The following ADCY9 variants were observed in gnomAD, a reference collection of about 807,000 sequenced individuals.
ADCY9 encodes adenylate cyclase 9.
ADCY9 carries 50 observed loss-of-function variants against 101.5 expected under a neutral mutation model. That is an observed-to-expected ratio of 0.49 (90% confidence interval 0.39 to 0.62). ADCY9 has a LOEUF of 0.62. ADCY9 is among the 20% of genes least tolerant of loss of function. The pLI, the probability that ADCY9 is intolerant of heterozygous loss-of-function variation, is 0.00. For missense variants in ADCY9, 1,662 were observed against 1,800.4 expected (o/e 0.92, Z 1.39); for synonymous variants, 905 against 769.3 (o/e 1.18, Z -2.92).
At chr16:4,019,849 G>A (rs2056462806) in intron 2 of ADCY9, among the ~76,000 whole-genome samples, 1 of 152,188 alleles carries the variant, frequency 6.6e-6, no homozygotes, top group African/African-American at 2.4e-5. Context: ...AGGCCAAGGT[G>A]GAAGGATCAC....
intron 2 of ADCY9, among the ~76,000 whole-genome samples, chr16:4,079,640 T>C (rs935697213): frequency 1.3e-5 from 2 of 152,182 alleles, no homozygotes; most frequent in African/African-American, 4.8e-5. Context: ...TCATGATCCA[T>C]GAATGGTGTT....
intron 2 of ADCY9, among the ~76,000 whole-genome samples, chr16:4,076,999 C>T (rs946328812): frequency 7.9e-5 from 12 of 151,944 alleles, no homozygotes; most frequent in Non-Finnish European, 1.5e-4. Context: ...ATCGCTTGAA[C>T]CTCAGAGGTG....
intron 3 of ADCY9, among the ~76,000 whole-genome samples, chr16:4,004,164 C>T (rs1234253059): frequency 6.7e-6 from 1 of 148,940 alleles, no homozygotes; most frequent in African/African-American, 2.5e-5. Context: ...GGGAGGATCA[C>T]TTGAGCCTGA....
intron 2 of ADCY9, among the ~76,000 whole-genome samples, chr16:4,054,450 A>T (rs74696692): frequency 0.013 from 2,049 of 152,200 alleles, 22 homozygotes; most frequent in Admixed American, 0.022. Flanking sequence ...TTTCACTCAA[A>T]CCATCTTCCT....
chr16:4,073,042 C>T (rs896068480), intron 2 of ADCY9, among the ~76,000 whole-genome samples: 4 of 149,784 alleles, frequency 2.7e-5, no homozygotes, highest in African/African-American at 4.9e-5. Flanking sequence ...AAGAAAAAAC[C>T]GACTCTTAAA....
At chr16:3,961,715 G>A (rs542075034), downstream of ADCY9, among the ~76,000 whole-genome samples, 1 of 152,110 alleles carries the variant, frequency 6.6e-6, no homozygotes, top group Non-Finnish European at 1.5e-5. Flanking sequence ...TTTGTGCCCT[G>A]AAGTTGGTCA....
chr16:4,114,841 C>G lies in ADCY9; in HGVS notation c.602G>C (p.Arg201Pro). Reference sequence around the variant, plus strand: ...GGCCGTAAGGTTGGAGCTGTCGCCGCGTCCTGAGACAGGCGTCAAGACCTG... The same window carrying G: ...GGCCGTAAGGTTGGAGCTGTCGCCGGGTCCTGAGACAGGCGTCAAGACCTG... ...QFQVLTPVSG[R>P]GDSSNLTATA... The change falls in exon 2 of 11, where the codon CGC becomes CCC. Residue 201 changes from arginine (R) to proline (P), a missense_variant. By Grantham distance (103) the Arg-to-Pro change is moderately radical. This residue lies in a region of ADCY9 where 422 missense variants were observed against 392.0 expected (regional missense o/e 1.08). Coordinates refer to ENST00000294016, the MANE Select transcript of ADCY9 (RefSeq NM_001116.4). This position sits in a 1 kb window ranked among gnomAD's most constrained non-coding sequence, Gnocchi z 4.3. 2 of 1,613,546 alleles carry G rather than the reference C, an allele frequency of 1.2e-6. No homozygotes were observed. Among genetic ancestry groups the G allele is most frequent in the South Asian group, 2.2e-5 (2 of 91,088 alleles).
At chr16:4,080,563 G>A (rs917653448) in intron 2 of ADCY9, among the ~76,000 whole-genome samples, 1 of 151,928 alleles carries the variant, frequency 6.6e-6, no homozygotes, top group Non-Finnish European at 1.5e-5. Flanking sequence ...CCAGCCCAAC[G>A]GAAGAAATTT....
At position 3,996,821 on chromosome 16, in the gene ADCY9, T is replaced by C. The variant is rs746124666; in HGVS notation, c.1885-3311A>G. ...TCCTGGCGTCAGTCTGTTTCAGGTATTTTTCTTGCCTCAAGTTCATCTGCT... is the reference window on the plus strand; with the variant it reads ...TCCTGGCGTCAGTCTGTTTCAGGTACTTTTCTTGCCTCAAGTTCATCTGCT... On this transcript the variant is annotated intron_variant, in intron 3 of 10. Transcript: ENST00000294016. Among the ~76,000 whole-genome samples, 62 of 152,338 alleles carry C rather than the reference T, an allele frequency of 4.1e-4. 1 individual carries two copies. Among genetic ancestry groups the C allele is most frequent in the Non-Finnish European group, 6.6e-4 (45 of 68,032 alleles).
chr16:3,968,116 A>G lies in ADCY9; in HGVS notation c.2871-1150T>C, dbSNP rs186954873. Reference sequence around the variant, plus strand: ...AACTACAATATCATCATCATACCCAAGAAATTTAACATTCTCTGATATATT... The same window carrying G: ...AACTACAATATCATCATCATACCCAGGAAATTTAACATTCTCTGATATATT... On this transcript the variant is annotated intron_variant, in intron 10 of 10. Coordinates refer to ENST00000294016, the MANE Select transcript of ADCY9 (RefSeq NM_001116.4). Among the ~76,000 whole-genome samples the G allele has an allele frequency of 1.1e-4, 17 of 152,244 alleles. No individual in the cohort carries two copies. The East Asian group carries it at 1.9e-3, about 17-fold the overall frequency.
At chr16:4,048,608 A>T (rs1041301236) in intron 2 of ADCY9, among the ~76,000 whole-genome samples, 1 of 152,232 alleles carries the variant, frequency 6.6e-6, no homozygotes. Context: ...AATCACACAG[A>T]TAGGCCCCTC....
intron 2 of ADCY9, among the ~76,000 whole-genome samples, chr16:4,067,602 G>A (rs2056808200): frequency 6.6e-6 from 1 of 152,142 alleles, no homozygotes; most frequent in Non-Finnish European, 1.5e-5. Context: ...TACTGGGGTA[G>A]CTCTACCCAC....
chr16:4,057,196 C>T (rs1304874618), intron 2 of ADCY9, among the ~76,000 whole-genome samples: 2 of 152,082 alleles, frequency 1.3e-5, no homozygotes, highest in Admixed American at 6.6e-5. Context: ...GCTGGAGTGC[C>T]GTGGTGCAAT....
intron 2 of ADCY9, among the ~76,000 whole-genome samples, chr16:4,102,330 G>A (rs562607533): frequency 6.6e-6 from 1 of 152,068 alleles, no homozygotes; most frequent in Non-Finnish European, 1.5e-5. Context: ...AATTAAGCCC[G>A]AATGTATCAG....
rs370901921 is a variant in ADCY9, at chr16:4,006,402, C to T, written c.1884+966G>A. Reference sequence around the variant, plus strand: ...AGTGCAATCATTACGTGTAACTGGGCGACAGGCACTATGTATTCTGACCCA... The same window carrying T: ...AGTGCAATCATTACGTGTAACTGGGTGACAGGCACTATGTATTCTGACCCA... On this transcript the variant is annotated intron_variant, in intron 3 of 10. Coordinates refer to ENST00000294016, the MANE Select transcript of ADCY9 (RefSeq NM_001116.4). 3.3e-5 allele frequency among the ~76,000 whole-genome samples: 5 copies of T among 152,280 alleles called. 1 individual carries two copies. The highest frequency in any genetic ancestry group is 9.6e-5 in the African/African-American group (4 of 41,546).
chr16:4,098,743 G>A lies in ADCY9; in HGVS notation c.1693+15007C>T, dbSNP rs191859199. 7.2e-4 allele frequency among the ~76,000 whole-genome samples: 109 copies of A among 152,128 alleles called. 1 individual carries two copies. The highest frequency in any genetic ancestry group is 1.5e-3 in the Non-Finnish European group (99 of 67,992). On this transcript the variant is annotated intron_variant, in intron 2 of 10. Transcript: ENST00000294016. ...ATGCAAGATGGAAAAGAGAGTGGCC[G>A]GCCCATCGTTCCAGGAGGCACTGTT...
chr16:3,993,176 G>A (rs1026476245), intron 4 of ADCY9, among the ~76,000 whole-genome samples: 1 of 152,166 alleles, frequency 6.6e-6, no homozygotes, highest in Non-Finnish European at 1.5e-5. Context: ...GGCCTTTAAA[G>A]GAATCCCGCC....
Position 4,115,829 on chromosome 16 carries a change from T to C in ADCY9, c.-183A>G. ...TCCTCGCGCGCTCGCCTCCTCCAGC[T>C]GCGGCTCCGGAGGGAAGTTCAGACC... On this transcript the variant is annotated 5_prime_UTR_variant, in exon 1 of 11. Coordinates refer to ENST00000294016, the MANE Select transcript of ADCY9 (RefSeq NM_001116.4). The surrounding 1 kb of genome is among the most constrained non-coding windows in gnomAD (Gnocchi z 6.2). 5.0e-6 allele frequency: 2 copies of C among 401,692 alleles called. No homozygotes were observed. Among genetic ancestry groups the C allele is most frequent in the Non-Finnish European group, 4.4e-6 (1 of 228,344 alleles). The allele number at this position is 401,692 out of a possible 1,614,324, so 24.9% of individuals were successfully genotyped here. A position where few individuals can be genotyped will look rare whatever the true frequency, so the allele number is the denominator to read the frequency against.
intron 2 of ADCY9, among the ~76,000 whole-genome samples, chr16:4,016,296 G>C (rs2056438248): frequency 6.6e-6 from 1 of 152,256 alleles, no homozygotes; most frequent in African/African-American, 2.4e-5. Flanking sequence ...ACAGAGCAGA[G>C]TTTAAATAAT....
Sources: gnomAD v4.1 joint callset for allele counts (sites outside exome capture counted in the v4.1 genomes callset) on GRCh38, gnomAD v4.1.1 for gene constraint, gnomAD v4.1.1 regional missense constraint, Gnocchi (gnomAD v3.1) non-coding constraint, MANE v1.5 for transcripts, NCBI Gene and HGNC (gene_info 2026-07-23, HGNC 2026-07-21) for gene names.